The following ZMAT4 variants were observed in gnomAD, a reference collection of about 807,000 sequenced individuals.
ZMAT4 encodes the protein zinc finger matrin-type protein 4.
In ZMAT4, 17 loss-of-function variants were observed where a neutral mutation model predicts 28.7. That is an observed-to-expected ratio of 0.59 (90% CI 0.41 to 0.89). The LOEUF (loss-of-function observed/expected upper bound fraction) is 0.89, where lower values mean the gene tolerates loss of function less well. ZMAT4 is among the 40% of genes least tolerant of loss of function. ZMAT4 has a pLI of 0.00. For synonymous variants in ZMAT4, 117 were observed against 109.2 expected (o/e 1.07, Z -0.44); for missense variants, 240 against 283.8 (o/e 0.85, Z 1.11).
chr8:40,850,387 C>T (rs1817059097), intron 1 of ZMAT4, among the ~76,000 whole-genome samples: 1 of 152,120 alleles, frequency 6.6e-6, no homozygotes, highest in African/African-American at 2.4e-5. Flanking sequence ...ACAGCGAGCC[C>T]CCATCTGCAC....
intron 5 of ZMAT4, among the ~76,000 whole-genome samples, chr8:40,607,580 T>C (rs1805641881): frequency 6.6e-6 from 1 of 152,090 alleles, no homozygotes; most frequent in African/African-American, 2.4e-5. Flanking sequence ...CCAAATGTGA[T>C]TTCTTGGGGA....
intron 5 of ZMAT4, among the ~76,000 whole-genome samples, chr8:40,644,098 G>T (rs933808256): frequency 6.6e-6 from 1 of 152,066 alleles, no homozygotes; most frequent in Admixed American, 6.6e-5. Flanking sequence ...AGGTTGAAGA[G>T]GGAAACCATT....
intron 3 of ZMAT4, among the ~76,000 whole-genome samples, chr8:40,709,126 C>T (rs1018757397): frequency 6.6e-6 from 1 of 152,188 alleles, no homozygotes; most frequent in African/African-American, 2.4e-5. Context: ...AACCTACATG[C>T]ATCCTCCTGT....
At chr8:40,601,453 G>A (rs1475356731) in intron 5 of ZMAT4, among the ~76,000 whole-genome samples, 946 of 70,306 alleles carry the variant, frequency 0.013, 12 homozygotes, top group Middle Eastern at 0.026. Context: ...AGGAAGGAAG[G>A]AAGGGAGGAA....
chr8:40,844,916 A>C (rs536138685), intron 1 of ZMAT4, among the ~76,000 whole-genome samples: 2 of 152,264 alleles, frequency 1.3e-5, no homozygotes, highest in East Asian at 3.9e-4. Context: ...GAACTCAGGC[A>C]CCTATTGATT....
chr8:40,716,904 T>G (rs1030806511), intron 3 of ZMAT4, among the ~76,000 whole-genome samples: 1 of 152,128 alleles, frequency 6.6e-6, no homozygotes, highest in Admixed American at 6.5e-5. Context: ...AGGAAGCCCA[T>G]GGGTATCACG....
intron 5 of ZMAT4, among the ~76,000 whole-genome samples, chr8:40,614,093 C>T (rs1364542326): frequency 6.6e-6 from 1 of 152,188 alleles, no homozygotes; most frequent in African/African-American, 2.4e-5. Flanking sequence ...CCAGCACAGT[C>T]ATGGGTCACT....
chr8:40,614,200 A>G (rs943304115), intron 5 of ZMAT4, among the ~76,000 whole-genome samples: 2 of 152,176 alleles, frequency 1.3e-5, no homozygotes, highest in Admixed American at 6.5e-5. Context: ...CAGCATTTTA[A>G]TCTTTGCCTC....
chr8:40,687,102 C>T (rs902760587), intron 4 of ZMAT4, among the ~76,000 whole-genome samples: 2 of 152,124 alleles, frequency 1.3e-5, no homozygotes, highest in South Asian at 4.1e-4. Flanking sequence ...CGATGTTTTA[C>T]AGAATAATAG....
chr8:40,896,070 C>CA lies in ZMAT4; in HGVS notation c.-5+1612dup, dbSNP rs368020644. ...GCTGATGGTATTTTGACACCCCCCC[C>CA]AAAAAAAAAGTGGGCAGGCATTTTT... On this transcript the variant is annotated intron_variant, in intron 1 of 6. Coordinates refer to ENST00000297737, the MANE Select transcript of ZMAT4 (RefSeq NM_024645.3). Among the ~76,000 whole-genome samples the CA allele has an allele frequency of 1.2e-3, 184 of 150,860 alleles. 1 individual carries two copies. Among genetic ancestry groups the CA allele is most frequent in the Middle Eastern group, 6.8e-3 (2 of 294 alleles).
chr8:40,680,335 G>T (rs910290140), intron 4 of ZMAT4, among the ~76,000 whole-genome samples: 1 of 152,112 alleles, frequency 6.6e-6, no homozygotes, highest in Non-Finnish European at 1.5e-5. Flanking sequence ...AGGACCTGTG[G>T]TTTTTGGGGC....
At chr8:40,875,678 C>A (rs1818018158) in intron 1 of ZMAT4, among the ~76,000 whole-genome samples, 1 of 152,094 alleles carries the variant, frequency 6.6e-6, no homozygotes, top group African/African-American at 2.4e-5. Context: ...CCGCCAAGCC[C>A]AGGATGGAAG....
intron 1 of ZMAT4, among the ~76,000 whole-genome samples, chr8:40,889,592 A>G (rs910834354): frequency 1.3e-5 from 2 of 152,234 alleles, no homozygotes; most frequent in Non-Finnish European, 2.9e-5. Flanking sequence ...TCTAGTTCTC[A>G]GGACTACATA....
At chr8:40,562,824 G>A (rs1803791472) in intron 6 of ZMAT4, among the ~76,000 whole-genome samples, 1 of 151,992 alleles carries the variant, frequency 6.6e-6, no homozygotes, top group Admixed American at 6.6e-5. Context: ...CTTGACTTCT[G>A]AAGCACTAAT....
chr8:40,541,039 C>T (rs1271883270), intron 6 of ZMAT4, among the ~76,000 whole-genome samples: 1 of 152,038 alleles, frequency 6.6e-6, no homozygotes, highest in African/African-American at 2.4e-5. Context: ...GTTTCCTGAA[C>T]TATAAAATGG....
chr8:40,598,438 C>A (rs1805177882), intron 5 of ZMAT4, among the ~76,000 whole-genome samples: 1 of 152,152 alleles, frequency 6.6e-6, no homozygotes, highest in South Asian at 2.1e-4. Flanking sequence ...GTTCAACTGT[C>A]ACTTATGAGT....
intron 5 of ZMAT4, among the ~76,000 whole-genome samples, chr8:40,647,099 G>A (rs566761425): frequency 6.9e-4 from 105 of 152,270 alleles, no homozygotes; most frequent in East Asian, 2.1e-3. Flanking sequence ...GAACAGCTCC[G>A]GTCTACAGCT....
chr8:40,760,849 A>C (rs1812909302), intron 3 of ZMAT4, among the ~76,000 whole-genome samples: 1 of 151,936 alleles, frequency 6.6e-6, no homozygotes, highest in African/African-American at 2.4e-5. Flanking sequence ...TTTTATCACC[A>C]ACCTGGGGCT....
intron 2 of ZMAT4, chr8:40,808,669 G>A: frequency 5.5e-6 from 2 of 364,698 alleles, no homozygotes; most frequent in Non-Finnish European, 1.1e-5. Flanking sequence ...CTCAGGGGAG[G>A]TAACAAGAAA....
Sources: gnomAD v4.1 joint callset for allele counts (sites outside exome capture counted in the v4.1 genomes callset) on GRCh38, gnomAD v4.1.1 for gene constraint, MANE v1.5 for transcripts, NCBI Gene and HGNC (gene_info 2026-07-23, HGNC 2026-07-21) for gene names.